The following DGKD variants were observed in gnomAD, a reference collection of about 807,000 sequenced individuals.
DGKD encodes the protein DAG kinase delta.
In DGKD, 68 loss-of-function variants were observed where a neutral mutation model predicts 154.4. The ratio of observed to expected loss-of-function variants is 0.44; its 90% CI spans 0.36 to 0.54. DGKD has a LOEUF of 0.54. DGKD is among the 20% of genes least tolerant of loss of function. DGKD has a pLI of 0.00. For synonymous variants in DGKD, 693 were observed against 638.0 expected (o/e 1.09, Z -1.30); for missense variants, 1,343 against 1,593.6 (o/e 0.84, Z 2.68).
chr2:233,355,029 C>T (rs1269126742), intron 1 of DGKD, among the ~76,000 whole-genome samples: 1 of 151,800 alleles, frequency 6.6e-6, no homozygotes, highest in East Asian at 2.0e-4. Context: ...CGAGCGGGTC[C>T]CACGCGGGGG....
At chr2:233,464,093 C>G in intron 26 of DGKD, 71 bp from the exon 27 acceptor site, 1 of 1,593,796 alleles carries the variant, frequency 6.3e-7, no homozygotes, top group South Asian at 1.1e-5. Flanking sequence ...GCGGACCTCA[C>G]CCCCCTGGGC....
At chr2:233,406,813 G>A (rs903626289) in intron 3 of DGKD, among the ~76,000 whole-genome samples, 20 of 152,052 alleles carry the variant, frequency 1.3e-4, no homozygotes, top group Non-Finnish European at 1.3e-4. Flanking sequence ...ACATCCTCCC[G>A]GTTGATCTTT....
chr2:233,397,568 G>C (rs1354104167), intron 3 of DGKD, among the ~76,000 whole-genome samples: 1 of 151,404 alleles, frequency 6.6e-6, no homozygotes, highest in East Asian at 1.9e-4. Flanking sequence ...GGACACCAGA[G>C]GGGACCAGAG....
intron 1 of DGKD, among the ~76,000 whole-genome samples, chr2:233,369,903 C>T (rs10929110): frequency 0.097 from 14,738 of 152,212 alleles, 983 homozygotes; most frequent in South Asian, 0.32. Flanking sequence ...CTCCCTTTCC[C>T]CTGCAGGAAG....
At chr2:233,363,558 G>A (rs1236969940) in intron 1 of DGKD, among the ~76,000 whole-genome samples, 1 of 152,156 alleles carries the variant, frequency 6.6e-6, no homozygotes, top group East Asian at 1.9e-4. Flanking sequence ...TAGCCTAAGT[G>A]TACAGTGTTT....
chr2:233,459,454 C>G lies in DGKD; in HGVS notation c.2695-303C>G, dbSNP rs1002710633. Among the ~76,000 whole-genome samples the G allele has an allele frequency of 9.3e-5, 14 of 150,924 alleles. No homozygotes were observed. The highest frequency in any genetic ancestry group is 6.6e-4 in the Admixed American group (10 of 15,218). On this transcript the variant is annotated intron_variant, in intron 22 of 29. Transcript: ENST00000264057. The surrounding 1 kb of genome is among the most constrained non-coding windows in gnomAD (Gnocchi z 5.7). ...GCAGGGGCCCAGTGGCTTCTGGGAG[C>G]TACAACACCCCTGCCCCTGGGTTCT...
chr2:233,391,506 A>G (rs1389607966), intron 3 of DGKD, among the ~76,000 whole-genome samples: 1 of 152,234 alleles, frequency 6.6e-6, no homozygotes, highest in East Asian at 1.9e-4. Flanking sequence ...ATTTTCTTGT[A>G]GGATTTTATA....
At chr2:233,401,161 G>A (rs954293582) in intron 3 of DGKD, among the ~76,000 whole-genome samples, 4 of 151,952 alleles carry the variant, frequency 2.6e-5, no homozygotes, top group Non-Finnish European at 4.4e-5. Flanking sequence ...AGGACAGCTC[G>A]AAGCCTCCAT....
chr2:233,417,413 T>A (rs573820033), intron 3 of DGKD, among the ~76,000 whole-genome samples: 1 of 152,316 alleles, frequency 6.6e-6, no homozygotes, highest in East Asian at 1.9e-4. Context: ...TTAAAAACAT[T>A]TAATATTGCT....
At chr2:233,375,888 TGTC>T (rs72184988) in intron 1 of DGKD, among the ~76,000 whole-genome samples, 2,250 of 152,318 alleles carry the variant, frequency 0.015, 53 homozygotes, top group African/African-American at 0.051. Context: ...TTCTTCCTAC[TGTC>T]AAGTATCCCT....
At chr2:233,432,612 T>C (rs2062567153) in intron 3 of DGKD, among the ~76,000 whole-genome samples, 1 of 152,120 alleles carries the variant, frequency 6.6e-6, no homozygotes, top group Admixed American at 6.6e-5. Context: ...TGAGCGGAGA[T>C]TGCGCCACTG....
intron 27 of DGKD, among the ~76,000 whole-genome samples, chr2:233,465,884 A>G (rs2063807925): frequency 6.7e-6 from 1 of 148,360 alleles, no homozygotes; most frequent in Non-Finnish European, 1.5e-5. Context: ...ATACAGAAAG[A>G]TTAATAATAA....
chr2:233,362,030 T>G (rs533753201), intron 1 of DGKD, among the ~76,000 whole-genome samples: 1 of 152,240 alleles, frequency 6.6e-6, no homozygotes. Context: ...ACTCCCAATC[T>G]CAGGTGATCT....
intron 4 of DGKD, 21 bp downstream of exon 4, chr2:233,434,505 T>G (rs2125588961): frequency 6.2e-7 from 1 of 1,605,460 alleles, no homozygotes; most frequent in East Asian, 2.2e-5. Context: ...AAAATACCCT[T>G]CTCCAAATGC....
chr2:233,393,802 GC>G (rs1302554646), intron 3 of DGKD, among the ~76,000 whole-genome samples: 5 of 151,056 alleles, frequency 3.3e-5, no homozygotes, highest in African/African-American at 7.3e-5. Flanking sequence ...TCCTGCCTCA[GC>G]CTTGGGTAGC....
chr2:233,451,607 G>C (rs551059602), intron 17 of DGKD, among the ~76,000 whole-genome samples: 1 of 145,518 alleles, frequency 6.9e-6, no homozygotes, highest in Admixed American at 6.9e-5. Flanking sequence ...TCTCTCTATT[G>C]CCCAGGCTGG....
intron 7 of DGKD, 116 bp downstream of exon 7, chr2:233,436,557 C>A: frequency 7.1e-7 from 1 of 1,409,564 alleles, no homozygotes; most frequent in Non-Finnish European, 9.4e-7. Flanking sequence ...CCCAGAGGCC[C>A]CTCCGGCTGA....
Position 233,452,084 on chromosome 2 carries a change from T to C in DGKD, c.2264+24T>C, listed in dbSNP as rs756582860. 6.3e-7 allele frequency: 1 copy of C among 1,596,820 alleles called. No homozygotes were observed. Among genetic ancestry groups the C allele is most frequent in the South Asian group, 1.1e-5 (1 of 90,664 alleles). On this transcript the variant is annotated intron_variant, in intron 18 of 29. Transcript: ENST00000264057. The surrounding 1 kb of genome is among the most constrained non-coding windows in gnomAD (Gnocchi z 4.0). ...CTGTGAGTATGAGGGATAAACCGAG[T>C]GGGCATATTGTTACATGGCTGCTAG...
At position 233,449,019 on chromosome 2, in the gene DGKD, C is replaced by T; in HGVS notation, c.1615-84C>T. ...TCCTTTTGATCGAGTTCTAGGAAGT[C>T]TGGGTGAAATGGCCTGAGGTTCCCT... On this transcript the variant is annotated intron_variant, in intron 14 of 29. Transcript: ENST00000264057. This position sits in a 1 kb window ranked among gnomAD's most constrained non-coding sequence, Gnocchi z 5.3. The T allele has an allele frequency of 6.8e-7, 1 of 1,473,528 alleles. No homozygotes were observed. Among genetic ancestry groups the T allele is most frequent in the Non-Finnish European group, 9.1e-7 (1 of 1,104,364 alleles). 91.3% of individuals were successfully genotyped at this position (1,473,528 alleles called of 1,614,324 possible).
Sources: gnomAD v4.1 joint callset for allele counts (sites outside exome capture counted in the v4.1 genomes callset) on GRCh38, gnomAD v4.1.1 for gene constraint, Gnocchi (gnomAD v3.1) non-coding constraint, MANE v1.5 for transcripts, NCBI Gene and HGNC (gene_info 2026-07-23, HGNC 2026-07-21) for gene names.